TMEM232: variants seen among roughly 807,000 people sequenced by gnomAD.
The protein encoded by TMEM232 is transmembrane protein 232.
In TMEM232, 80 loss-of-function variants were observed where a neutral mutation model predicts 78.8. The observed-to-expected ratio is 1.01, with a 90% CI of 0.85 to 1.22. The LOEUF (loss-of-function observed/expected upper bound fraction) is 1.22. Ranked by LOEUF, TMEM232 falls within the 50% of genes most tolerant of loss-of-function variation. The pLI, the probability that TMEM232 is intolerant of heterozygous loss-of-function variation, is 0.00. For missense variants in TMEM232, 881 were observed against 742.2 expected (o/e 1.19, Z -2.17); for synonymous variants, 297 against 254.3 (o/e 1.17, Z -1.60).
intron 1 of TMEM232, among the ~76,000 whole-genome samples, chr5:110,682,327 T>C (rs539476598): frequency 1.1e-4 from 16 of 152,288 alleles, no homozygotes; most frequent in African/African-American, 3.8e-4. Flanking sequence ...ATCTGAATGA[T>C]TGAATTGCTC....
upstream of TMEM232, chr5:110,738,711 C>A: frequency 4.2e-6 from 1 of 240,556 alleles, no homozygotes. Context: ...TATTTCTGGC[C>A]GGGATCTCAC....
intron 3 of TMEM232, among the ~76,000 whole-genome samples, chr5:110,393,261 G>C (rs1755269424): frequency 6.6e-6 from 1 of 152,134 alleles, no homozygotes; most frequent in Admixed American, 6.6e-5. Context: ...GAAAAGTGTT[G>C]ATGTATCCAA....
chr5:110,600,007 C>A, intron 10 of TMEM232, among the ~76,000 whole-genome samples: 1 of 152,146 alleles, frequency 6.6e-6, no homozygotes, highest in Non-Finnish European at 1.5e-5. Flanking sequence ...GATTAAGAAA[C>A]TCACTGAAAA....
intron 1 of TMEM232, among the ~76,000 whole-genome samples, chr5:110,724,150 T>C (rs1159793725): frequency 6.6e-6 from 1 of 152,330 alleles, no homozygotes; most frequent in East Asian, 1.9e-4. Flanking sequence ...ATAATAACTC[T>C]TGCATGGGAC....
intron 2 of TMEM232, among the ~76,000 whole-genome samples, chr5:110,401,873 T>C (rs1755614146): frequency 1.3e-5 from 2 of 152,220 alleles, no homozygotes; most frequent in African/African-American, 4.8e-5. Flanking sequence ...GCGGTGATTG[T>C]CCAGAGCTGA....
chr5:110,398,215 G>C (rs914869632), intron 2 of TMEM232, among the ~76,000 whole-genome samples: 3 of 152,054 alleles, frequency 2.0e-5, no homozygotes, highest in African/African-American at 7.2e-5. Context: ...CAAATCTGTG[G>C]AGAACGAAAA....
intron 12 of TMEM232, among the ~76,000 whole-genome samples, chr5:110,512,471 T>C (rs982788619): frequency 1.1e-4 from 17 of 152,148 alleles, no homozygotes; most frequent in African/African-American, 3.9e-4. Context: ...ACAGAAGTAT[T>C]CAATTAATGC....
intron 2 of TMEM232, among the ~76,000 whole-genome samples, chr5:110,406,604 C>T (rs551278396): frequency 2.2e-4 from 34 of 152,126 alleles, no homozygotes; most frequent in African/African-American, 7.7e-4. Context: ...CACCACCAGA[C>T]TCATCTTGCA....
At chr5:110,595,126 C>A (rs942120550) in intron 10 of TMEM232, among the ~76,000 whole-genome samples, 30 of 152,316 alleles carry the variant, frequency 2.0e-4, no homozygotes, top group Non-Finnish European at 3.4e-4. Flanking sequence ...GATACCCAGG[C>A]ATACAGGGTC....
At chr5:110,627,753 A>G in intron 6 of TMEM232, 28 bp downstream of exon 6, 1 of 1,344,954 alleles carries the variant, frequency 7.4e-7, no homozygotes, top group Non-Finnish European at 1.0e-6. Flanking sequence ...TAAAACATTT[A>G]TAAGTGTAAA....
chr5:110,618,594 A>C (rs1783234734), intron 7 of TMEM232, 32 bp from the exon 8 acceptor site: 2 of 1,515,506 alleles, frequency 1.3e-6, no homozygotes, highest in East Asian at 2.5e-5. Context: ...CAGGAATTAA[A>C]ATATAAAAAT....
intron 1 of TMEM232, among the ~76,000 whole-genome samples, chr5:110,710,934 G>C (rs1796412078): frequency 6.6e-6 from 1 of 152,106 alleles, no homozygotes; most frequent in Non-Finnish European, 1.5e-5. Context: ...ACAAGAGAAA[G>C]AAACAAAGGG....
At chr5:110,535,878 C>T (rs907802424) in intron 11 of TMEM232, among the ~76,000 whole-genome samples, 2 of 152,076 alleles carry the variant, frequency 1.3e-5, no homozygotes, top group African/African-American at 4.8e-5. Flanking sequence ...AGAACTAAAT[C>T]AAAATCAAAA....
intron 12 of TMEM232, among the ~76,000 whole-genome samples, chr5:110,507,059 TA>T (rs1766991492): frequency 6.6e-6 from 1 of 152,178 alleles, no homozygotes. Flanking sequence ...ACAGTACTAC[TA>T]CTCACTGGGT....
intron 10 of TMEM232, among the ~76,000 whole-genome samples, chr5:110,583,597 C>T (rs922464002): frequency 1.3e-5 from 2 of 151,474 alleles, no homozygotes; most frequent in African/African-American, 4.8e-5. Flanking sequence ...GAAATAACAC[C>T]AAAAGCACAG....
rs535461189 is a variant in TMEM232 at position 110,670,968 on chromosome 5, AT to A, written c.-12-3605del. Among the ~76,000 whole-genome samples the A allele has an allele frequency of 2.5e-4, 38 of 152,270 alleles. No homozygotes were observed. In the South Asian group the frequency reaches 4.4e-3, roughly 17 times the overall value. On this transcript the variant is annotated intron_variant, in intron 1 of 13. Transcript: ENST00000455884. ...GTGCTTATTGTGAATTATAAAAAAAATATGAAGGTAAGATGTTTAGCTAAAC... is the reference window on the plus strand; with the variant it reads ...GTGCTTATTGTGAATTATAAAAAAAAATGAAGGTAAGATGTTTAGCTAAAC...
intron 8 of TMEM232, among the ~76,000 whole-genome samples, chr5:110,616,011 C>A (rs545491689): frequency 1.7e-3 from 261 of 151,976 alleles, no homozygotes; most frequent in African/African-American, 5.9e-3. Context: ...AAGTAATTTA[C>A]AGATTCAATG....
intron 10 of TMEM232, among the ~76,000 whole-genome samples, chr5:110,596,942 T>C (rs1313465140): frequency 6.6e-6 from 1 of 152,218 alleles, no homozygotes; most frequent in Non-Finnish European, 1.5e-5. Flanking sequence ...GCATTCCCTT[T>C]GAAAACTGGC....
chr5:110,537,590 C>T (rs1162304528), intron 11 of TMEM232, among the ~76,000 whole-genome samples: 25 of 152,160 alleles, frequency 1.6e-4, no homozygotes. Context: ...CAGCATCTGC[C>T]TCCATACAGC....
Sources: allele counts gnomAD v4.1 joint callset (sites outside exome capture counted in the v4.1 genomes callset), GRCh38; gene constraint gnomAD v4.1.1; transcripts MANE v1.5; gene names NCBI Gene and HGNC (gene_info 2026-07-23, HGNC 2026-07-21).